Variants in GPC6 observed in about 807,000 individuals in gnomAD.
The protein encoded by GPC6 is glypican 6.
Under a neutral mutation model 55.2 loss-of-function variants are expected in GPC6, and 14 were observed. The observed-to-expected ratio is 0.25, with a 90% confidence interval of 0.17 to 0.40. GPC6 has a LOEUF of 0.40. Ranked by LOEUF, GPC6 falls within the 10% of genes least tolerant of loss-of-function variation. The pLI is 1.00. For synonymous variants in GPC6, 278 were observed against 259.6 expected, an observed-to-expected ratio of 1.07 and a Z score of -0.68; for missense variants, 641 against 708.5, an observed-to-expected ratio of 0.90 and a Z score of 1.08.
rs1888024615 is a variant in GPC6, at chr13:93,843,247, G to A, written c.711+12702G>A. Among the ~76,000 whole-genome samples the A allele has an allele frequency of 2.6e-5, 4 of 152,076 alleles. No individual in the cohort carries two copies. In the South Asian group the frequency reaches 8.3e-4, roughly 32 times the overall value. ...CTCACATCGTTTGTTTGCATGTGTG[G>A]GTGTACATGTGTGTGCATGTTTAGC... On this transcript the variant is annotated intron_variant, in intron 3 of 8. Transcript: ENST00000377047.
chr13:93,665,077 C>T (rs1881079461), intron 2 of GPC6, among the ~76,000 whole-genome samples: 1 of 152,222 alleles, frequency 6.6e-6, no homozygotes, highest in African/African-American at 2.4e-5. Context: ...TCTTCACACA[C>T]TACTGTTTGG....
chr13:93,706,317 T>G (rs757217339), intron 2 of GPC6, among the ~76,000 whole-genome samples: 1 of 151,902 alleles, frequency 6.6e-6, no homozygotes, highest in Non-Finnish European at 1.5e-5. Flanking sequence ...AAACTTACCA[T>G]CTTCACCAAT....
intron 4 of GPC6, among the ~76,000 whole-genome samples, chr13:94,089,187 G>C (rs904642526): frequency 3.9e-5 from 6 of 152,166 alleles, no homozygotes; most frequent in Admixed American, 3.9e-4. Flanking sequence ...TGCTCTTAAA[G>C]CCCGTGAGTA....
chr13:93,827,243 T>G (rs541926426), intron 2 of GPC6, among the ~76,000 whole-genome samples: 1 of 152,334 alleles, frequency 6.6e-6, no homozygotes, highest in Non-Finnish European at 1.5e-5. Context: ...AATTTTGTTC[T>G]CTCTGATGTT....
intron 4 of GPC6, among the ~76,000 whole-genome samples, chr13:94,259,118 T>C (rs138387499): frequency 6.6e-6 from 1 of 150,794 alleles, no homozygotes; most frequent in African/African-American, 2.4e-5. Context: ...AATCCCTTTC[T>C]CACTGGAAAC....
intron 4 of GPC6, among the ~76,000 whole-genome samples, chr13:94,117,846 G>C (rs1309934461): frequency 6.6e-6 from 1 of 152,098 alleles, no homozygotes; most frequent in Non-Finnish European, 1.5e-5. Flanking sequence ...AGGTGAAGAT[G>C]ATTTCTGAAT....
chr13:94,071,559 C>A (rs568337594), intron 4 of GPC6, among the ~76,000 whole-genome samples: 1 of 152,256 alleles, frequency 6.6e-6, no homozygotes, highest in South Asian at 2.1e-4. Context: ...GAGGCTGTAT[C>A]TGTGGTTTTA....
At chr13:93,622,882 C>T (rs1236709536) in intron 2 of GPC6, among the ~76,000 whole-genome samples, 1 of 151,986 alleles carries the variant, frequency 6.6e-6, no homozygotes, top group Non-Finnish European at 1.5e-5. Flanking sequence ...AATTCTGTAC[C>T]CATTAACCAA....
At chr13:93,422,587 G>A (rs376664782) in intron 1 of GPC6, among the ~76,000 whole-genome samples, 12 of 152,024 alleles carry the variant, frequency 7.9e-5, no homozygotes, top group Admixed American at 2.6e-4. Flanking sequence ...TTTTCTTTGC[G>A]TATATTATTT....
chr13:93,378,391 T>C (rs4773740), intron 1 of GPC6, among the ~76,000 whole-genome samples: 118,055 of 152,126 alleles, frequency 0.78, 47,934 homozygotes, highest in East Asian at 0.97. Context: ...CCAGCACTGG[T>C]TGGCCTTTGC....
chr13:93,691,047 T>G (rs946596318), intron 2 of GPC6, among the ~76,000 whole-genome samples: 4 of 152,136 alleles, frequency 2.6e-5, no homozygotes, highest in African/African-American at 9.6e-5. Context: ...AGCTTTACTG[T>G]CCAGAGCGGT....
chr13:94,060,942 A>G (rs1566351976), intron 4 of GPC6, among the ~76,000 whole-genome samples: 2 of 152,196 alleles, frequency 1.3e-5, no homozygotes, highest in Admixed American at 1.3e-4. Flanking sequence ...GTAAAAGGGT[A>G]AGTTGCTAAA....
chr13:94,030,333 C>A (rs546479917), intron 4 of GPC6, among the ~76,000 whole-genome samples: 1 of 151,944 alleles, frequency 6.6e-6, no homozygotes, highest in East Asian at 1.9e-4. Flanking sequence ...TTTAATTAGT[C>A]CTAGATGTCT....
chr13:93,629,732 A>C (rs1271859631), intron 2 of GPC6, among the ~76,000 whole-genome samples: 1 of 152,226 alleles, frequency 6.6e-6, no homozygotes, highest in Admixed American at 6.5e-5. Flanking sequence ...GCTCTGCTGA[A>C]TAATGCATTT....
intron 4 of GPC6, among the ~76,000 whole-genome samples, chr13:94,075,003 C>T (rs972847914): frequency 1.1e-4 from 16 of 151,588 alleles, no homozygotes; most frequent in African/African-American, 3.9e-4. Flanking sequence ...TGTTTTTACT[C>T]CTAGACCTTA....
At chr13:93,530,519 T>C (rs1199446773) in intron 1 of GPC6, among the ~76,000 whole-genome samples, 1 of 152,050 alleles carries the variant, frequency 6.6e-6, no homozygotes, top group Non-Finnish European at 1.5e-5. Context: ...GATTTGGGAC[T>C]CAATTAAGTG....
At chr13:93,897,340 A>T (rs55724716) in intron 3 of GPC6, among the ~76,000 whole-genome samples, 5,774 of 151,962 alleles carry the variant, frequency 0.038, 290 homozygotes, top group East Asian at 0.17. Context: ...TGTGTGTCAA[A>T]TTTTTTTTAA....
chr13:93,513,363 A>C (rs1238297948), intron 1 of GPC6, among the ~76,000 whole-genome samples: 1 of 152,130 alleles, frequency 6.6e-6, no homozygotes, highest in East Asian at 1.9e-4. Context: ...CCTTCTTTCA[A>C]TTGTGTAATT....
intron 3 of GPC6, among the ~76,000 whole-genome samples, chr13:94,020,039 T>A (rs1271804654): frequency 1.3e-5 from 2 of 152,116 alleles, no homozygotes; most frequent in Non-Finnish European, 2.9e-5. Context: ...TAATCTTTAT[T>A]ATTTCTTTTC....
Sources: gnomAD v4.1 joint callset for allele counts (sites outside exome capture counted in the v4.1 genomes callset) on GRCh38, gnomAD v4.1.1 for gene constraint, MANE v1.5 for transcripts, NCBI Gene and HGNC (gene_info 2026-07-23, HGNC 2026-07-21) for gene names.